Variants in CTNNA3 observed in about 807,000 individuals in gnomAD.
CTNNA3 encodes catenin alpha 3, also known as catenin alpha-3.
In CTNNA3, 76 loss-of-function variants were observed where a neutral mutation model predicts 95.7. The observed-to-expected ratio is 0.79, with a 90% CI of 0.66 to 0.96. The LOEUF is 0.96. Among genes scored for constraint, CTNNA3 ranks in the 40% least tolerant of loss-of-function variants. The probability of loss-of-function intolerance (pLI) is 0.00; values close to 1 mark genes in which losing one functional copy is unlikely to be tolerated. For synonymous variants in CTNNA3, 431 were observed against 374.4 expected, an observed-to-expected ratio of 1.15 and a Z score of -1.74; for missense variants, 1,191 against 1,089.8, an observed-to-expected ratio of 1.09 and a Z score of -1.31.
At chr10:66,563,314 T>G (rs1842608656) in intron 10 of CTNNA3, among the ~76,000 whole-genome samples, 1 of 152,092 alleles carries the variant, frequency 6.6e-6, no homozygotes, top group Non-Finnish European at 1.5e-5. Flanking sequence ...TCTCCTTTAT[T>G]TTGCAAATTA....
At chr10:67,734,096 C>A (rs1257499427) in intron 1 of CTNNA3, among the ~76,000 whole-genome samples, 2 of 151,962 alleles carry the variant, frequency 1.3e-5, no homozygotes, top group African/African-American at 2.4e-5. Flanking sequence ...TATGTAATAC[C>A]CACTTATAGA....
At chr10:66,696,561 C>T (rs569845791) in intron 9 of CTNNA3, among the ~76,000 whole-genome samples, 5 of 152,082 alleles carry the variant, frequency 3.3e-5, no homozygotes, top group Admixed American at 6.6e-5. Context: ...TAGGCATATT[C>T]CTCTAGGCAA....
chr10:67,241,359 G>GATC (rs1865711835), intron 5 of CTNNA3, among the ~76,000 whole-genome samples: 1 of 151,800 alleles, frequency 6.6e-6, no homozygotes, highest in Non-Finnish European at 1.5e-5. Flanking sequence ...GGAGACAGAG[G>GATC]TTGCAGTGAG....
At chr10:66,736,490 G>A (rs1849147880) in intron 9 of CTNNA3, among the ~76,000 whole-genome samples, 1 of 151,880 alleles carries the variant, frequency 6.6e-6, no homozygotes, top group South Asian at 2.1e-4. Context: ...GCCGCACCCA[G>A]GCAACTAATA....
intron 11 of CTNNA3, among the ~76,000 whole-genome samples, chr10:66,484,934 A>G (rs1182998955): frequency 1.3e-5 from 2 of 152,136 alleles, no homozygotes; most frequent in Non-Finnish European, 2.9e-5. Context: ...GATTCAACCT[A>G]TGTCAATGAA....
intron 7 of CTNNA3, among the ~76,000 whole-genome samples, chr10:67,148,565 G>C (rs1860945132): frequency 6.6e-6 from 1 of 152,160 alleles, no homozygotes; most frequent in South Asian, 2.1e-4. Flanking sequence ...TGTCCTTACT[G>C]TAATTCCTTC....
At chr10:67,579,773 G>T (rs2133313930) in intron 3 of CTNNA3, among the ~76,000 whole-genome samples, 1 of 152,258 alleles carries the variant, frequency 6.6e-6, no homozygotes, top group African/African-American at 2.4e-5. Context: ...GTATCTCATT[G>T]TGGTTTTGAT....
chr10:67,019,301 C>A (rs1320571510), intron 7 of CTNNA3, among the ~76,000 whole-genome samples: 1 of 152,198 alleles, frequency 6.6e-6, no homozygotes, highest in Non-Finnish European at 1.5e-5. Context: ...TCACCACAAC[C>A]TCTGCCTTCC....
At chr10:66,139,576 C>G (rs1164802199) in intron 13 of CTNNA3, among the ~76,000 whole-genome samples, 1 of 152,152 alleles carries the variant, frequency 6.6e-6, no homozygotes, top group Non-Finnish European at 1.5e-5. Context: ...TTTTACAAGT[C>G]ACTTTTAGAT....
At position 65,956,844 on chromosome 10, in the gene CTNNA3, C is replaced by T. The variant is rs550160814; in HGVS notation, c.2400+9768G>A. On this transcript the variant is annotated intron_variant, in intron 17 of 17. Transcript: ENST00000433211. ...ATTTTGGAATAAGTGCGACGTTGTG[C>T]TGAGAAGAATGTATATTCTATTGAT... 8.5e-5 allele frequency among the ~76,000 whole-genome samples: 13 copies of T among 152,272 alleles called. No homozygotes were observed. In the South Asian group the frequency reaches 2.3e-3, roughly 27 times the overall value.
chr10:66,369,661 C>A (rs1348691084), intron 12 of CTNNA3, among the ~76,000 whole-genome samples: 3 of 152,120 alleles, frequency 2.0e-5, no homozygotes, highest in Non-Finnish European at 4.4e-5. Context: ...ATATTCACAT[C>A]TATTAATAAA....
At chr10:66,448,968 CAT>C (rs1224419888) in intron 11 of CTNNA3, among the ~76,000 whole-genome samples, 1 of 151,868 alleles carries the variant, frequency 6.6e-6, no homozygotes, top group African/African-American at 2.4e-5. Flanking sequence ...AGAGTAAATC[CAT>C]ATGTCTCTTT....
chr10:67,272,655 A>G (rs541607752), intron 5 of CTNNA3, among the ~76,000 whole-genome samples: 56 of 152,306 alleles, frequency 3.7e-4, no homozygotes, highest in Non-Finnish European at 7.1e-4. Context: ...ATTTTAGCAG[A>G]AGAGAATACA....
At position 67,156,777 on chromosome 10, in the gene CTNNA3, G is replaced by A. The variant is rs187769283; in HGVS notation, c.1047+23540C>T. 1.3e-3 allele frequency among the ~76,000 whole-genome samples: 192 copies of A among 152,150 alleles called. 3 individuals carry two copies. Among genetic ancestry groups the A allele is most frequent in the African/African-American group, 4.3e-3 (179 of 41,536 alleles). ...TATATTCTGTTGTTTTTGATGGAAT[G>A]TTCTGTCCATGTTTTTTTAGTTGCA... On this transcript the variant is annotated intron_variant, in intron 7 of 17. Coordinates refer to ENST00000433211, the MANE Select transcript of CTNNA3 (RefSeq NM_013266.4).
intron 5 of CTNNA3, among the ~76,000 whole-genome samples, chr10:67,241,563 G>C (rs1383773409): frequency 1.3e-5 from 2 of 151,980 alleles, no homozygotes; most frequent in East Asian, 3.8e-4. Context: ...AAGTTTTCTT[G>C]TGAGAAACAG....
intron 13 of CTNNA3, among the ~76,000 whole-genome samples, chr10:66,105,229 A>G (rs2081842177): frequency 6.6e-6 from 1 of 152,210 alleles, no homozygotes; most frequent in Non-Finnish European, 1.5e-5. Flanking sequence ...CTTCTTAGGT[A>G]TTAATAGCAC....
chr10:66,089,859 C>T (rs1252650298), intron 14 of CTNNA3, among the ~76,000 whole-genome samples: 4 of 151,726 alleles, frequency 2.6e-5, no homozygotes, highest in South Asian at 2.1e-4. Flanking sequence ...ACTCTTGGTG[C>T]TTCTTACAAA....
chr10:66,255,863 G>T (rs2090750122), intron 13 of CTNNA3, among the ~76,000 whole-genome samples: 1 of 152,208 alleles, frequency 6.6e-6, no homozygotes, highest in Admixed American at 6.5e-5. Flanking sequence ...GTTAATTCAA[G>T]AATTTCAGGC....
intron 7 of CTNNA3, among the ~76,000 whole-genome samples, chr10:67,058,055 C>G (rs558177364): frequency 3.9e-5 from 6 of 152,128 alleles, no homozygotes; most frequent in Non-Finnish European, 8.8e-5. Context: ...GTCCCCAAGA[C>G]CTGTCATGTC....
Sources: allele counts gnomAD v4.1 joint callset (sites outside exome capture counted in the v4.1 genomes callset), GRCh38; gene constraint gnomAD v4.1.1; transcripts MANE v1.5; gene names NCBI Gene and HGNC (gene_info 2026-07-23, HGNC 2026-07-21).